The following ADGRL3 variants were observed in gnomAD, a reference collection of about 807,000 sequenced individuals.
ADGRL3 encodes the protein adhesion G protein-coupled receptor L3, also known as calcium-independent alpha-latrotoxin receptor 3.
A neutral mutation model predicts 153.5 loss-of-function variants in ADGRL3; 62 were observed. That is an observed-to-expected ratio of 0.40 (90% CI 0.33 to 0.50). The LOEUF (loss-of-function observed/expected upper bound fraction) is 0.50. Among genes scored for constraint, ADGRL3 ranks in the 20% least tolerant of loss-of-function variants. The pLI is 0.47. For synonymous variants in ADGRL3, 710 were observed against 672.5 expected (o/e 1.06, Z -0.86); for missense variants, 1,641 against 1,859.4 (o/e 0.88, Z 2.16).
chr4:61,476,731 A>AAAAAAAAC (rs2098063868), intron 2 of ADGRL3, among the ~76,000 whole-genome samples: 1 of 147,776 alleles, frequency 6.8e-6, no homozygotes, highest in East Asian at 2.0e-4. Context: ...AAAAAAAAAA[A>AAAAAAAAC]AAAAAAACAA....
chr4:61,950,456 A>G (rs2098942725), intron 17 of ADGRL3, among the ~76,000 whole-genome samples: 1 of 152,386 alleles, frequency 6.6e-6, no homozygotes, highest in Non-Finnish European at 1.5e-5. Context: ...AGGAGCGAAA[A>G]CATAAAGATA....
intron 5 of ADGRL3, among the ~76,000 whole-genome samples, chr4:61,653,241 G>C (rs948684305): frequency 3.3e-5 from 5 of 151,458 alleles, no homozygotes; most frequent in Admixed American, 6.6e-5. Flanking sequence ...GAATGCAACT[G>C]TTTGCAAGCC....
rs574639744 is a variant in ADGRL3, at chr4:61,261,989, C to T, written c.-240+60224C>T. ...AAGGGGAGTTAGAGATGTTTGGGAA[C>T]GACGAGATTGAAATATTAAGAGAGA... On this transcript the variant is annotated intron_variant, in intron 1 of 26. Transcript: ENST00000683033. Among the ~76,000 whole-genome samples, 9 of 119,588 alleles carry T rather than the reference C, an allele frequency of 7.5e-5. No homozygotes were observed. In the East Asian group the frequency reaches 7.8e-4, roughly 10 times the overall value. The allele number at this position is 119,588 out of a possible 152,430, so 78.5% of individuals were successfully genotyped here. A position where few individuals can be genotyped will look rare whatever the true frequency, so the allele number is the denominator to read the frequency against.
At chr4:61,727,926 TTTA>T (rs1362044431) in intron 6 of ADGRL3, among the ~76,000 whole-genome samples, 1 of 152,128 alleles carries the variant, frequency 6.6e-6, no homozygotes, top group African/African-American at 2.4e-5. Flanking sequence ...TCACTGAGTA[TTTA>T]TTATGTGGTT....
At chr4:61,668,841 G>C (rs2094894924) in intron 5 of ADGRL3, among the ~76,000 whole-genome samples, 2 of 152,080 alleles carry the variant, frequency 1.3e-5, no homozygotes, top group South Asian at 4.1e-4. Context: ...AACACAGTGA[G>C]ACCTCATCTC....
intron 1 of ADGRL3, among the ~76,000 whole-genome samples, chr4:61,363,635 T>C (rs778933397): frequency 6.6e-6 from 1 of 152,220 alleles, no homozygotes; most frequent in African/African-American, 2.4e-5. Context: ...TGTTATTTAC[T>C]CTATAAATTA....
At chr4:61,643,502 T>C (rs989036208) in intron 5 of ADGRL3, among the ~76,000 whole-genome samples, 4 of 151,862 alleles carry the variant, frequency 2.6e-5, no homozygotes, top group African/African-American at 7.3e-5. Flanking sequence ...GCATGAAGGG[T>C]TGTTGAATTT....
chr4:61,373,151 C>G (rs1399058398), intron 1 of ADGRL3, among the ~76,000 whole-genome samples: 2 of 152,168 alleles, frequency 1.3e-5, no homozygotes, highest in Non-Finnish European at 2.9e-5. Flanking sequence ...TGAGATGAAC[C>G]CGGTACCTCA....
intron 6 of ADGRL3, among the ~76,000 whole-genome samples, chr4:61,702,845 T>A (rs2095792608): frequency 6.6e-6 from 1 of 152,158 alleles, no homozygotes; most frequent in African/African-American, 2.4e-5. Context: ...CGATTAACTT[T>A]GTCAGAATAT....
chr4:61,456,063 G>A (rs535173697), intron 2 of ADGRL3, among the ~76,000 whole-genome samples: 6 of 151,748 alleles, frequency 4.0e-5, no homozygotes, highest in African/African-American at 1.2e-4. Flanking sequence ...TTATCCACCC[G>A]CCTTGATCTC....
At chr4:61,952,936 A>G (rs1229440461) in intron 17 of ADGRL3, among the ~76,000 whole-genome samples, 1 of 152,230 alleles carries the variant, frequency 6.6e-6, no homozygotes, top group Non-Finnish European at 1.5e-5. Flanking sequence ...ATGGAAATCA[A>G]TATTTTCCTT....
rs113022588 is a variant in ADGRL3 at position 61,392,094 on chromosome 4, T to C, written c.-174+8905T>C. Among the ~76,000 whole-genome samples, 259 of 150,824 alleles carry C rather than the reference T, an allele frequency of 1.7e-3. 1 individual carries two copies. Among genetic ancestry groups the C allele is most frequent in the African/African-American group, 6.1e-3 (250 of 41,250 alleles). On this transcript the variant is annotated intron_variant, in intron 2 of 26. Coordinates refer to ENST00000683033, the MANE Select transcript of ADGRL3 (RefSeq NM_001387552.1). ...CCGTGTTAGCCAGGATGGTCTCGGT[T>C]TCCTGACCTCATGATCCACCCGCCT...
Position 61,800,237 on chromosome 4 carries a change from A to G in ADGRL3, c.1400-13572A>G, listed in dbSNP as rs546372385. On this transcript the variant is annotated intron_variant, in intron 8 of 26. Transcript: ENST00000683033. ...AAAATAATGTATGTATATATTGTAT[A>G]TATGGGATATATAGATACAGATATA... Among the ~76,000 whole-genome samples the G allele has an allele frequency of 2.6e-5, 4 of 152,350 alleles. No individual in the cohort carries two copies. In the South Asian group the frequency reaches 8.3e-4, roughly 32 times the overall value.
chr4:62,035,216 C>A (rs1241958841), intron 23 of ADGRL3, among the ~76,000 whole-genome samples: 3 of 151,960 alleles, frequency 2.0e-5, no homozygotes, highest in African/African-American at 7.2e-5. Flanking sequence ...CGAGACTTGG[C>A]ATCACCAAAT....
At chr4:61,560,709 A>G (rs1437346602) in intron 4 of ADGRL3, among the ~76,000 whole-genome samples, 1 of 151,962 alleles carries the variant, frequency 6.6e-6, no homozygotes, top group Non-Finnish European at 1.5e-5. Flanking sequence ...CCTTTATAAC[A>G]ACTTACGGAG....
chr4:61,305,216 A>G (rs557817595), intron 1 of ADGRL3, among the ~76,000 whole-genome samples: 1 of 152,160 alleles, frequency 6.6e-6, no homozygotes, highest in East Asian at 1.9e-4. Flanking sequence ...TAAATAAGAT[A>G]CACTATTATC....
intron 8 of ADGRL3, among the ~76,000 whole-genome samples, chr4:61,797,075 G>A (rs569054411): frequency 3.9e-4 from 59 of 152,156 alleles, no homozygotes; most frequent in African/African-American, 1.4e-3. Flanking sequence ...CTTCTCCAAA[G>A]AACTGAAGAG....
chr4:61,923,322 T>C (rs1186932294), intron 13 of ADGRL3, among the ~76,000 whole-genome samples: 1 of 151,528 alleles, frequency 6.6e-6, no homozygotes, highest in African/African-American at 2.4e-5. Context: ...TTAACTGCTT[T>C]ACACATTGCC....
intron 4 of ADGRL3, among the ~76,000 whole-genome samples, chr4:61,523,622 A>G (rs2098543468): frequency 6.6e-6 from 1 of 152,076 alleles, no homozygotes; most frequent in African/African-American, 2.4e-5. Flanking sequence ...GAAATAGGTC[A>G]GTTATTGAGA....
Sources: allele counts gnomAD v4.1 joint callset (sites outside exome capture counted in the v4.1 genomes callset), GRCh38; gene constraint gnomAD v4.1.1; transcripts MANE v1.5; gene names NCBI Gene and HGNC (gene_info 2026-07-23, HGNC 2026-07-21).